CPA3: variants seen among roughly 807,000 people sequenced by gnomAD.
The protein encoded by CPA3 is carboxypeptidase A3, also known as mast cell carboxypeptidase A.
CPA3 carries 52 observed loss-of-function variants against 55.8 expected under a neutral mutation model. The observed-to-expected ratio is 0.93, with a 90% CI of 0.75 to 1.17. The LOEUF is 1.17. CPA3 is among the 50% of genes most tolerant of loss of function. CPA3 has a pLI of 0.00. For missense variants in CPA3, 547 were observed against 509.1 expected, an observed-to-expected ratio of 1.07 and a Z score of -0.72; for synonymous variants, 179 against 171.2, an observed-to-expected ratio of 1.05 and a Z score of -0.36.
intron 2 of CPA3, among the ~76,000 whole-genome samples, chr3:148,866,151 A>T (rs1320984179): frequency 6.6e-6 from 1 of 152,234 alleles, no homozygotes. Context: ...AATGTAACTC[A>T]TTTGAAACAG....
chr3:148,894,065 A>T (rs187199207), intron 10 of CPA3, among the ~76,000 whole-genome samples: 3 of 152,344 alleles, frequency 2.0e-5, no homozygotes, highest in Admixed American at 1.3e-4. Context: ...AAAGGCTTGG[A>T]ACTGCAGAGA....
In CPA3 at chr3:148,872,934, G is replaced by A. The variant is rs951281506; in HGVS notation, c.269+3895G>A. Among the ~76,000 whole-genome samples the A allele has an allele frequency of 1.1e-4, 17 of 151,972 alleles. 1 individual carries two copies. The highest frequency in any genetic ancestry group is 4.1e-4 in the African/African-American group (17 of 41,416). ...TACCTCATACCTCATCTATAAAATGGGAATAATAATGGAATCTATTTCATA... is the reference window on the plus strand; with the variant it reads ...TACCTCATACCTCATCTATAAAATGAGAATAATAATGGAATCTATTTCATA... On this transcript the variant is annotated intron_variant, in intron 3 of 10. Coordinates refer to ENST00000296046, the MANE Select transcript of CPA3 (RefSeq NM_001870.4).
chr3:148,885,978 G>A, intron 9 of CPA3, 115 bp from the exon 10 acceptor site: 1 of 718,900 alleles, frequency 1.4e-6, no homozygotes, highest in Admixed American at 2.3e-5. Context: ...CAAGGGATAA[G>A]CACAGTGCCT....
At chr3:148,885,939 G>A (rs985703967) in intron 9 of CPA3, among the ~76,000 whole-genome samples, 154 bp from the exon 10 acceptor site, 1 of 152,114 alleles carries the variant, frequency 6.6e-6, no homozygotes, top group Non-Finnish European at 1.5e-5. Flanking sequence ...CCATCTCATA[G>A]GGTTGTTATG....
chr3:148,892,463 G>A (rs541887563), intron 10 of CPA3, among the ~76,000 whole-genome samples: 9 of 151,632 alleles, frequency 5.9e-5, no homozygotes, highest in Admixed American at 5.2e-4. Context: ...GACCAGCCTG[G>A]CCAACATGGT....
Position 148,881,608 on chromosome 3 carries a change from T to C in CPA3, c.663T>C (p.Asp221=), listed in dbSNP as rs760505038. ...NFYILPVFNV[D]GYIWSWTKNR... is the part of the protein sequence containing the mutation. ...ACATTCTTCCTGTGTTCAATGTTGA[T>C]GGATATATTTGGTCATGGACAAAGG... The change falls in exon 7 of 11, where the codon GAT becomes GAC. Residue 221 remains aspartate, a synonymous_variant. Transcript: ENST00000296046. 2 of 1,610,644 alleles carry C rather than the reference T, an allele frequency of 1.2e-6. No individual in the cohort carries two copies. Among genetic ancestry groups the C allele is most frequent in the South Asian group, 1.1e-5 (1 of 90,812 alleles).
intron 6 of CPA3, among the ~76,000 whole-genome samples, chr3:148,880,409 G>A (rs1714330935): frequency 6.7e-6 from 1 of 149,760 alleles, no homozygotes; most frequent in African/African-American, 2.5e-5. Context: ...TCGTCTCACT[G>A]CAACCTCCGC....
chr3:148,875,067 T>G (rs1387685784), intron 3 of CPA3, among the ~76,000 whole-genome samples: 1 of 152,186 alleles, frequency 6.6e-6, no homozygotes, highest in Non-Finnish European at 1.5e-5. Context: ...ATGTTCGTAT[T>G]ATGTAGCTGA....
intron 10 of CPA3, among the ~76,000 whole-genome samples, chr3:148,888,221 G>A (rs938309051): frequency 2.6e-5 from 4 of 152,276 alleles, no homozygotes; most frequent in African/African-American, 9.6e-5. Context: ...CAGCAATTGC[G>A]ATGGAATTTG....
intron 3 of CPA3, among the ~76,000 whole-genome samples, chr3:148,876,626 C>T (rs1050747794): frequency 6.6e-6 from 1 of 152,168 alleles, no homozygotes; most frequent in Non-Finnish European, 1.5e-5. Context: ...ATCCAACTGC[C>T]TCAGCTTCCC....
At chr3:148,881,931 T>C (rs1478684794) in intron 7 of CPA3, among the ~76,000 whole-genome samples, 1 of 152,208 alleles carries the variant, frequency 6.6e-6, no homozygotes, top group Non-Finnish European at 1.5e-5. Flanking sequence ...ATAAAGCCAA[T>C]TAATTGATTT....
intron 3 of CPA3, among the ~76,000 whole-genome samples, chr3:148,875,428 T>C (rs2108031826): frequency 6.6e-6 from 1 of 152,320 alleles, no homozygotes; most frequent in South Asian, 2.1e-4. Context: ...CCCTACAAAA[T>C]AGAGTATATT....
At chr3:148,866,052 A>C (rs1035576006) in intron 2 of CPA3, among the ~76,000 whole-genome samples, 1 of 152,208 alleles carries the variant, frequency 6.6e-6, no homozygotes, top group Non-Finnish European at 1.5e-5. Context: ...TAATTTTATC[A>C]TGTATTCAGC....
chr3:148,878,555 A>G lies in CPA3; in HGVS notation c.372+12A>G. 1 of 1,594,020 alleles carries G rather than the reference A, an allele frequency of 6.3e-7. No homozygotes were observed. Among genetic ancestry groups the G allele is most frequent in the South Asian group, 1.1e-5 (1 of 89,146 alleles). On this transcript the variant is annotated intron_variant, in intron 4 of 10. Transcript: ENST00000296046. ...ATAATTGGGAAAAGGTACAGTAAAAAATGCCTGTACTTTTTTTTAAGTTAC... is the reference window on the plus strand; with the variant it reads ...ATAATTGGGAAAAGGTACAGTAAAAGATGCCTGTACTTTTTTTTAAGTTAC...
rs575542115 is a variant in CPA3, at chr3:148,878,609, T to C, written c.373-38T>C. Reference sequence around the variant, plus strand: ...TAATATTTATTGTCATTTTGTTTTCTTTTATTCTAATTTCTCAAAATTGAT... The same window carrying C: ...TAATATTTATTGTCATTTTGTTTTCCTTTATTCTAATTTCTCAAAATTGAT... On this transcript the variant is annotated intron_variant, in intron 4 of 10. Transcript: ENST00000296046. 1.9e-6 allele frequency: 3 copies of C among 1,575,700 alleles called. No homozygotes were observed. The South Asian group carries it at 3.4e-5, about 18-fold the overall frequency.
At chr3:148,886,013 T>TTGCA in intron 9 of CPA3, 80 bp from the exon 10 acceptor site, 1 of 969,472 alleles carries the variant, frequency 1.0e-6, no homozygotes, top group Middle Eastern at 2.1e-4. Flanking sequence ...CATTAAAAAA[T>TTGCA]TGCATACATA....
At chr3:148,896,410 T>A in intron 10 of CPA3, 110 bp from the exon 11 acceptor site, 4 of 863,234 alleles carry the variant, frequency 4.6e-6, no homozygotes, top group Non-Finnish European at 6.9e-6. Context: ...TTACTGCAAT[T>A]AACTGCACAC....
chr3:148,879,682 T>C (rs1004859568), intron 5 of CPA3, 106 bp from the exon 6 acceptor site: 4 of 742,112 alleles, frequency 5.4e-6, no homozygotes, highest in Middle Eastern at 2.5e-4. Context: ...CATTCAACAA[T>C]AGACAGGGGA....
intron 10 of CPA3, among the ~76,000 whole-genome samples, chr3:148,893,892 A>G (rs897799070): frequency 1.3e-5 from 2 of 152,222 alleles, no homozygotes; most frequent in Non-Finnish European, 2.9e-5. Flanking sequence ...GAAAACACCT[A>G]TCAACCCTAA....
Sources: gnomAD v4.1 joint callset for allele counts (sites outside exome capture counted in the v4.1 genomes callset) on GRCh38, gnomAD v4.1.1 for gene constraint, MANE v1.5 for transcripts, NCBI Gene and HGNC (gene_info 2026-07-23, HGNC 2026-07-21) for gene names.